The following REXO1 variants were observed in gnomAD, a reference collection of about 807,000 sequenced individuals.
REXO1 encodes REX1, RNA exonuclease 1 homolog.
A neutral mutation model predicts 102.6 loss-of-function variants in REXO1; 42 were observed. That is an observed-to-expected ratio of 0.41 (90% confidence interval 0.32 to 0.53). REXO1 has a LOEUF of 0.53. Ranked by LOEUF, REXO1 falls within the 20% of genes least tolerant of loss-of-function variation. The probability of loss-of-function intolerance (pLI) is 0.27; values close to 1 mark genes in which losing one functional copy is unlikely to be tolerated. For synonymous variants in REXO1, 908 were observed against 779.1 expected (o/e 1.17, Z -2.76); for missense variants, 1,819 against 1,732.5 (o/e 1.05, Z -0.89).
In REXO1 at chr19:1,821,955, AC is replaced by A. The variant is rs2069557272; in HGVS notation, c.2231-274del. On this transcript the variant is annotated intron_variant, in intron 4 of 15. Coordinates refer to ENST00000170168, the MANE Select transcript of REXO1 (RefSeq NM_020695.4). Reference sequence around the variant, plus strand: ...GTCCAGGCCTCTGCCACGTGTTCTGACCCCAAGCCCAAGGCGTCGATGTCTG... The same window carrying A: ...GTCCAGGCCTCTGCCACGTGTTCTGACCCAAGCCCAAGGCGTCGATGTCTG... 5.5e-6 allele frequency: 3 copies of A among 541,750 alleles called. No individual in the cohort carries two copies. The South Asian group carries it at 7.8e-5, about 14-fold the overall frequency. The allele number at this position is 541,750 out of a possible 1,614,324, so 33.6% of individuals were successfully genotyped here.
chr19:1,821,334 G>A (rs1401989507), intron 5 of REXO1, among the ~76,000 whole-genome samples, 185 bp downstream of exon 5: 2 of 147,612 alleles, frequency 1.4e-5, no homozygotes, highest in Admixed American at 1.3e-4. Context: ...GACAGAGCGA[G>A]ACTCCATCTC....
rs374508276 is a variant in REXO1 at position 1,818,513 on chromosome 19, A to G, written c.2985T>C (p.Tyr995=). The G allele has an allele frequency of 1.8e-5, 29 of 1,611,028 alleles. No homozygotes were observed. Among genetic ancestry groups the G allele is most frequent in the East Asian group, 1.1e-4 (5 of 44,810 alleles). Residue 995 remains tyrosine (Y), a synonymous_variant, in exon 10 of 16, where the codon TAT becomes TAC. Coordinates refer to ENST00000170168, the MANE Select transcript of REXO1 (RefSeq NM_020695.4). The part of the protein sequence containing the change: ...SGRCIRDEEC[Y]YHWGRLRRNR... ...TCCGGCGCAGCCGTCCCCAGTGGTA[A>G]TAACACTCCTCGTCCCGGATGCAGC...
intron 1 of REXO1, among the ~76,000 whole-genome samples, chr19:1,834,448 G>A (rs2069984819): frequency 6.6e-6 from 1 of 152,158 alleles, no homozygotes; most frequent in African/African-American, 2.4e-5. Context: ...TGTGGAGACA[G>A]GCATTGCCCA....
chr19:1,820,170 C>T lies in REXO1; in HGVS notation c.2526+94G>A, dbSNP rs1022821632. 1.9e-6 allele frequency: 3 copies of T among 1,559,484 alleles called. No individual in the cohort carries two copies. The African/African-American group carries it at 4.1e-5, about 22-fold the overall frequency. ...GCATCTCTCCCAGGCAGCTCCGGGT[C>T]ACAGCTGCGGCTGAGAGGCCGGGGG... On this transcript the variant is annotated intron_variant, in intron 6 of 15. Transcript: ENST00000170168.
intron 1 of REXO1, among the ~76,000 whole-genome samples, chr19:1,843,984 A>G (rs1047777893): frequency 6.6e-6 from 1 of 152,194 alleles, no homozygotes; most frequent in Admixed American, 6.5e-5. Context: ...GGGGCCTCAG[A>G]GTTTCCGAGG....
chr19:1,823,400 C>G, intron 4 of REXO1, 172 bp downstream of exon 4: 1 of 426,796 alleles, frequency 2.3e-6, no homozygotes, highest in Non-Finnish European at 4.0e-6. Context: ...CTGCACCCCT[C>G]AACAGTCCCC....
At position 1,826,853 on chromosome 19, in the gene REXO1, C is replaced by T. The variant is rs781005364; in HGVS notation, c.1911+25G>A. 6.4e-7 allele frequency: 1 copy of T among 1,558,172 alleles called. No homozygotes were observed. The highest frequency in any genetic ancestry group is 2.4e-5 in the East Asian group (1 of 42,038). Reference sequence around the variant, plus strand: ...CCTCGGCTCTGCCTCTGCCCGAGCCCAGCCCCAGCACCCGCGCGCCTCACC... The same window carrying T: ...CCTCGGCTCTGCCTCTGCCCGAGCCTAGCCCCAGCACCCGCGCGCCTCACC... On this transcript the variant is annotated intron_variant, in intron 2 of 15. Transcript: ENST00000170168. The surrounding 1 kb of genome is among the most constrained non-coding windows in gnomAD (Gnocchi z 4.3).
Position 1,837,322 on chromosome 19 carries a change from G to T in REXO1, c.158-8691C>A, listed in dbSNP as rs2070068505. Among the ~76,000 whole-genome samples, 3 of 152,092 alleles carry T rather than the reference G, an allele frequency of 2.0e-5. No homozygotes were observed. In the South Asian group the frequency reaches 6.2e-4, roughly 32 times the overall value. ...TCCCCTCCAACCCTCACAGTGGGAC[G>T]TCCTCCAGCCCCATCCTTGGACATG... On this transcript the variant is annotated intron_variant, in intron 1 of 15. Coordinates refer to ENST00000170168, the MANE Select transcript of REXO1 (RefSeq NM_020695.4).
Position 1,827,604 on chromosome 19 carries a change from C to T in REXO1, c.1185G>A (p.Gly395=). Residue 395 remains glycine (G), a synonymous_variant, in exon 2 of 16, where the codon GGG becomes GGA. Coordinates refer to ENST00000170168, the MANE Select transcript of REXO1 (RefSeq NM_020695.4). ...PAPSCKDGAQ[G]KDKTKDKGRG... is the part of the protein sequence containing the mutation. ...GGCCCTTGTCCTTGGTCTTGTCCTT[C>T]CCCTGGGCCCCGTCTTTGCAGCTGG... 2 of 1,583,824 alleles carry T rather than the reference C, an allele frequency of 1.3e-6. No individual in the cohort carries two copies. Among genetic ancestry groups the T allele is most frequent in the South Asian group, 2.3e-5 (2 of 87,038 alleles).
chr19:1,831,377 G>C (rs540884143), intron 1 of REXO1, among the ~76,000 whole-genome samples: 1 of 152,100 alleles, frequency 6.6e-6, no homozygotes, highest in South Asian at 2.1e-4. Context: ...CCTGGAGATC[G>C]ACCCCCACAG....
At chr19:1,818,893 G>A (rs45509393) in intron 8 of REXO1, 50 bp from the exon 9 acceptor site, 75 of 1,595,470 alleles carry the variant, frequency 4.7e-5, no homozygotes, top group Middle Eastern at 3.6e-4. Context: ...CCCACGGGGC[G>A]GTAGACACCA....
rs199984442 is a variant in REXO1 at position 1,818,686 on chromosome 19, G to A, written c.2902+20C>T. 8.9e-5 allele frequency: 144 copies of A among 1,610,082 alleles called. No individual in the cohort carries two copies. Among genetic ancestry groups the A allele is most frequent in the Admixed American group, 1.7e-4 (10 of 59,970 alleles). Reference sequence around the variant, plus strand: ...CATCCCGCACCTGCCCACCTAGGCCGTCGCAGGCCAGCGACTCACAGTCCT... The same window carrying A: ...CATCCCGCACCTGCCCACCTAGGCCATCGCAGGCCAGCGACTCACAGTCCT... On this transcript the variant is annotated intron_variant, in intron 9 of 15. Coordinates refer to ENST00000170168, the MANE Select transcript of REXO1 (RefSeq NM_020695.4).
At chr19:1,822,167 C>A in intron 4 of REXO1, 1 of 344,990 alleles carries the variant, frequency 2.9e-6, no homozygotes, top group Non-Finnish European at 5.2e-6. Context: ...GCAGCTGCAA[C>A]CTGGGCATGT....
intron 1 of REXO1, among the ~76,000 whole-genome samples, chr19:1,840,756 C>T (rs1473897836): frequency 6.6e-6 from 1 of 152,156 alleles, no homozygotes; most frequent in Non-Finnish European, 1.5e-5. Flanking sequence ...TCACCCCCTC[C>T]GCTTCTGCTT....
chr19:1,827,035 G>C lies in REXO1; in HGVS notation c.1754C>G (p.Ser585Cys). 1 of 1,347,814 alleles carries C rather than the reference G, an allele frequency of 7.4e-7. No homozygotes were observed. Among genetic ancestry groups the C allele is most frequent in the South Asian group, 1.3e-5 (1 of 79,814 alleles). 83.5% of individuals were successfully genotyped at this position (1,347,814 alleles called of 1,614,324 possible). A position where few individuals can be genotyped will look rare whatever the true frequency, so the allele number is the denominator to read the frequency against. Residue 585 changes from serine (S) to cysteine (C), a missense_variant, in exon 2 of 16, where the codon TCC becomes TGC. Transcript: ENST00000170168. ...CGCGCTGGAGGTGGAGGAGGAGGAG[G>C]AGGAGGAGGAGGATGGGGCGGGGGA... Reference protein sequence around the residue: ...PPSPAPSSSSSSSSSTSSAGA... With the variant: ...PPSPAPSSSSCSSSSTSSAGA...
In REXO1 at chr19:1,822,023, C is replaced by T. The variant is rs558572233; in HGVS notation, c.2231-341G>A. The T allele has an allele frequency of 7.2e-5, 37 of 517,286 alleles. No homozygotes were observed. In the East Asian group the frequency reaches 9.2e-4, roughly 13 times the overall value. 32.0% of individuals were successfully genotyped at this position (517,286 alleles called of 1,614,324 possible). A position where few individuals can be genotyped will look rare whatever the true frequency, so the allele number is the denominator to read the frequency against. ...TCCCGGACAGAGGACCGAAGGGTCT[C>T]GGGTGCCCCCACCTGCTCATTGGCT... On this transcript the variant is annotated intron_variant, in intron 4 of 15. Coordinates refer to ENST00000170168, the MANE Select transcript of REXO1 (RefSeq NM_020695.4).
rs764124394 is a variant in REXO1, at chr19:1,828,366, G to C, written c.423C>G (p.Asp141Glu). The C allele has an allele frequency of 4.3e-6, 7 of 1,609,288 alleles. No homozygotes were observed. The Admixed American group carries it at 8.4e-5, about 19-fold the overall frequency. Residue 141 changes from aspartate (D) to glutamate (E), a missense_variant, in exon 2 of 16, where the codon GAC (aspartate) becomes GAG (glutamate). By Grantham distance (45) the Asp-to-Glu change is conservative. Transcript: ENST00000170168. The stretch of plus-strand genomic sequence containing the variant: ...CGAAGGCCAGTGGGAAGGCATCCTC[G>C]TCCGGGCCCACAGTGGGGCTGGCGT... ...GPNASPTVGP[D>E]EDAFPLAFDY... is the part of the protein sequence containing the mutation.
At chr19:1,819,254 G>GTGGGGTGCTGTCC in intron 7 of REXO1, 123 bp from the exon 8 acceptor site, 1 of 692,896 alleles carries the variant, frequency 1.4e-6, no homozygotes, top group Non-Finnish European at 2.3e-6. Context: ...TTCTGGGACA[G>GTGGGGTGCTGTCC]CACCCCACTG....
intron 4 of REXO1, 150 bp from the exon 5 acceptor site, chr19:1,821,832 A>G (rs550808294): frequency 5.8e-6 from 4 of 687,184 alleles, no homozygotes; most frequent in Non-Finnish European, 7.2e-6. Flanking sequence ...GGGGCTGCGC[A>G]ATGGCATCAG....
Sources: allele counts gnomAD v4.1 joint callset (sites outside exome capture counted in the v4.1 genomes callset), GRCh38; gene constraint gnomAD v4.1.1; non-coding constraint Gnocchi (gnomAD v3.1); transcripts MANE v1.5; gene names NCBI Gene and HGNC (gene_info 2026-07-23, HGNC 2026-07-21).